XKR6: variants seen among roughly 807,000 people sequenced by gnomAD.
XKR6 encodes the protein XK related 6, also known as XK-related protein 6.
A neutral mutation model predicts 56.7 loss-of-function variants in XKR6; 22 were observed. The observed-to-expected ratio is 0.39, with a 90% confidence interval of 0.28 to 0.55. XKR6 has a LOEUF of 0.55. XKR6 is among the 20% of genes least tolerant of loss of function. The pLI is 0.66. For missense variants in XKR6, 852 were observed against 889.0 expected, an observed-to-expected ratio of 0.96 and a Z score of 0.53; for synonymous variants, 524 against 387.8, an observed-to-expected ratio of 1.35 and a Z score of -4.13.
chr8:10,937,694 C>T (rs1209869462), intron 1 of XKR6, among the ~76,000 whole-genome samples: 25 of 148,000 alleles, frequency 1.7e-4, no homozygotes, highest in East Asian at 5.9e-4. Flanking sequence ...CTGGGGGGTG[C>T]CTCCCAGTTA....
rs2409697 is a variant in XKR6, at chr8:11,099,708, G to A, written c.764+100868C>T. On this transcript the variant is annotated intron_variant, in intron 1 of 2. Coordinates refer to ENST00000416569, the MANE Select transcript of XKR6 (RefSeq NM_173683.4). ...CTAATGTGTCTCACGCATTGTTCTAGGTCTTGAAAAAACAGCCACCAACAA... is the reference window on the plus strand; with the variant it reads ...CTAATGTGTCTCACGCATTGTTCTAAGTCTTGAAAAAACAGCCACCAACAA... 6.1e-3 allele frequency among the ~76,000 whole-genome samples: 934 copies of A among 152,304 alleles called. 24 individuals are homozygous for A. Among genetic ancestry groups the A allele is most frequent in the Admixed American group, 0.029 (445 of 15,308 alleles).
At chr8:11,124,212 T>C (rs1799636121) in intron 1 of XKR6, 2 of 352,220 alleles carry the variant, frequency 5.7e-6, no homozygotes, top group Non-Finnish European at 1.1e-5. Flanking sequence ...TTAATGCTAT[T>C]CTATTATCAA....
At chr8:10,908,765 G>A (rs184233376) in intron 2 of XKR6, among the ~76,000 whole-genome samples, 1 of 152,198 alleles carries the variant, frequency 6.6e-6, no homozygotes, top group Non-Finnish European at 1.5e-5. Context: ...TAAGAGGTGG[G>A]GCCTTCAAGA....
chr8:11,062,864 G>C lies in XKR6; in HGVS notation c.764+137712C>G, dbSNP rs991673258. ...CTGAGTTCTAGCCAATGGGAGGTGA[G>C]TGGAAGTGGGTGTCCCTTCCAGACG... is the stretch of plus-strand genomic sequence containing the variant. On this transcript the variant is annotated intron_variant, in intron 1 of 2. Transcript: ENST00000416569. 2.4e-5 allele frequency: 11 copies of C among 456,072 alleles called. 1 individual carries two copies. The highest frequency in any genetic ancestry group is 2.2e-4 in the African/African-American group (11 of 50,060). 28.3% of individuals were successfully genotyped at this position (456,072 alleles called of 1,614,324 possible). A position where few individuals can be genotyped will look rare whatever the true frequency, so the allele number is the denominator to read the frequency against.
intron 1 of XKR6, among the ~76,000 whole-genome samples, chr8:11,166,879 C>G (rs1217290795): frequency 6.6e-6 from 1 of 152,122 alleles, no homozygotes; most frequent in East Asian, 1.9e-4. Context: ...CCGGCTTAAC[C>G]TAACATTTAA....
chr8:11,132,640 G>C (rs1331268219), intron 1 of XKR6, among the ~76,000 whole-genome samples: 1 of 151,980 alleles, frequency 6.6e-6, no homozygotes, highest in Non-Finnish European at 1.5e-5. Context: ...GGGATGACAC[G>C]TACGAGCCAC....
At chr8:11,045,733 T>A (rs1344163828) in intron 1 of XKR6, among the ~76,000 whole-genome samples, 4 of 152,190 alleles carry the variant, frequency 2.6e-5, no homozygotes, top group Non-Finnish European at 5.9e-5. Flanking sequence ...ATCTTTCTCC[T>A]GCTCCCTTCC....
At chr8:10,983,782 A>G (rs1051022563) in intron 1 of XKR6, among the ~76,000 whole-genome samples, 1 of 152,074 alleles carries the variant, frequency 6.6e-6, no homozygotes, top group East Asian at 1.9e-4. Context: ...CAGCCTCCCA[A>G]GTAGCTGGGA....
chr8:10,936,296 C>T (rs1208392175), intron 1 of XKR6, among the ~76,000 whole-genome samples: 21 of 147,334 alleles, frequency 1.4e-4, no homozygotes, highest in Non-Finnish European at 2.6e-4. Flanking sequence ...ATGTGTGTCT[C>T]TGCACGTGAG....
rs78074073 is a variant in XKR6, at chr8:11,043,131, G to A, written c.765-118301C>T. ...CCTAGGAACTCCATGCATTATGGGAGGATAAAATATTTAAACCTATACAAT... is the reference window on the plus strand; with the variant it reads ...CCTAGGAACTCCATGCATTATGGGAAGATAAAATATTTAAACCTATACAAT... On this transcript the variant is annotated intron_variant, in intron 1 of 2. Coordinates refer to ENST00000416569, the MANE Select transcript of XKR6 (RefSeq NM_173683.4). 9.0e-3 allele frequency among the ~76,000 whole-genome samples: 1,368 copies of A among 152,040 alleles called. 15 individuals carry two copies. The highest frequency in any genetic ancestry group is 0.031 in the African/African-American group (1,283 of 41,454).
intron 1 of XKR6, among the ~76,000 whole-genome samples, chr8:11,164,729 C>G (rs913607720): frequency 6.6e-6 from 1 of 152,220 alleles, no homozygotes; most frequent in Admixed American, 6.5e-5. Context: ...CCATTAATTC[C>G]TAACTACACT....
chr8:11,060,226 G>T (rs1040736866), intron 1 of XKR6, among the ~76,000 whole-genome samples: 2 of 152,124 alleles, frequency 1.3e-5, no homozygotes, highest in African/African-American at 4.8e-5. Flanking sequence ...GTGACATCTG[G>T]ACAGTGACTA....
At chr8:11,060,627 G>A (rs1327210312) in intron 1 of XKR6, among the ~76,000 whole-genome samples, 3 of 152,190 alleles carry the variant, frequency 2.0e-5, no homozygotes, top group South Asian at 2.1e-4. Flanking sequence ...TACACTTCCC[G>A]TACACAAAGG....
intron 1 of XKR6, among the ~76,000 whole-genome samples, chr8:11,048,122 A>G (rs1356338516): frequency 6.6e-6 from 1 of 152,140 alleles, no homozygotes; most frequent in Non-Finnish European, 1.5e-5. Context: ...ACGCTCAGTC[A>G]CTGCAGCAGC....
intron 1 of XKR6, chr8:11,137,381 T>A (rs906121981): frequency 8.8e-6 from 3 of 339,416 alleles, no homozygotes; most frequent in African/African-American, 6.5e-5. Flanking sequence ...ATAATAGAAA[T>A]CTTTCTTCAT....
intron 1 of XKR6, among the ~76,000 whole-genome samples, chr8:11,042,372 G>A (rs540552110): frequency 7.6e-4 from 116 of 152,238 alleles, no homozygotes; most frequent in African/African-American, 2.7e-3. Context: ...CCCGGTGGGA[G>A]GTAACTGAAC....
At chr8:11,031,499 A>G (rs1373564247) in intron 1 of XKR6, among the ~76,000 whole-genome samples, 2 of 152,242 alleles carry the variant, frequency 1.3e-5, no homozygotes, top group African/African-American at 4.8e-5. Context: ...CACAGCAGAA[A>G]GAACCACTCC....
intron 1 of XKR6, among the ~76,000 whole-genome samples, chr8:11,039,416 G>A (rs1025605564): frequency 2.6e-5 from 4 of 152,226 alleles, no homozygotes; most frequent in Admixed American, 2.6e-4. Context: ...GTTAGGCCAA[G>A]GCCAGCCTTT....
In XKR6 at chr8:11,018,550, C is replaced by T. The variant is rs539340263; in HGVS notation, c.765-93720G>A. ...ACATGAAGGCAAGAGCTGAAAACTA[C>T]CAAAGAAGTTTTTGGTGTCCCCAGG... On this transcript the variant is annotated intron_variant, in intron 1 of 2. Coordinates refer to ENST00000416569, the MANE Select transcript of XKR6 (RefSeq NM_173683.4). Among the ~76,000 whole-genome samples the T allele has an allele frequency of 2.6e-5, 4 of 152,300 alleles. 1 individual carries two copies. The East Asian group carries it at 5.8e-4, about 22-fold the overall frequency.
Sources: allele counts gnomAD v4.1 joint callset (sites outside exome capture counted in the v4.1 genomes callset), GRCh38; gene constraint gnomAD v4.1.1; transcripts MANE v1.5; gene names NCBI Gene and HGNC (gene_info 2026-07-23, HGNC 2026-07-21).